Variants in ELK3 observed in about 807,000 individuals in gnomAD.
ELK3 encodes ETS transcription factor ELK3.
In ELK3, 10 loss-of-function variants were observed where a neutral mutation model predicts 28.9. That is an observed-to-expected ratio of 0.35 (90% CI 0.21 to 0.59). ELK3 has a LOEUF of 0.59. Among genes scored for constraint, ELK3 ranks in the 20% least tolerant of loss-of-function variants. The pLI, the probability that ELK3 is intolerant of heterozygous loss-of-function variation, is 0.82. For synonymous variants in ELK3, 272 were observed against 243.5 expected (o/e 1.12, Z -1.09); for missense variants, 463 against 517.3 (o/e 0.90, Z 1.02).
At chr12:96,226,548 C>T (rs1047937586) in intron 2 of ELK3, among the ~76,000 whole-genome samples, 1 of 145,888 alleles carries the variant, frequency 6.9e-6, no homozygotes. Context: ...ACACAGATGT[C>T]CACATGTGCA....
intron 2 of ELK3, among the ~76,000 whole-genome samples, chr12:96,225,870 C>T (rs1041911185): frequency 7.2e-5 from 11 of 152,206 alleles, no homozygotes; most frequent in Non-Finnish European, 1.5e-4. Flanking sequence ...CATAGTGCCT[C>T]ACACCTAATC....
At position 96,268,101 on chromosome 12, in the gene ELK3, G is replaced by A. The variant is rs571068458; in HGVS notation, c.*921G>A. On this transcript the variant is annotated 3_prime_UTR_variant, in exon 5 of 5. Transcript: ENST00000228741. ...ACTGTGTCAGTATAAGTAAGTTGGGGTTCCCCTGGAACTATAATTAACATT... is the reference window on the plus strand; with the variant it reads ...ACTGTGTCAGTATAAGTAAGTTGGGATTCCCCTGGAACTATAATTAACATT... 6.6e-6 allele frequency: 1 copy of A among 152,216 alleles called. No individual in the cohort carries two copies. The allele number at this position is 152,216 out of a possible 1,614,324, so 9.4% of individuals were successfully genotyped here.
intron 3 of ELK3, among the ~76,000 whole-genome samples, chr12:96,259,033 C>A (rs904049935): frequency 6.6e-6 from 1 of 152,186 alleles, no homozygotes; most frequent in African/African-American, 2.4e-5. Context: ...TAGATGTCCA[C>A]TGTAGAAACA....
rs1215476059 is a variant in ELK3 at position 96,231,857 on chromosome 12, C to T, written c.207+8084C>T. ...TCACCTCTGCCTTTTCCTCAGCCAT[C>T]CAGCCATCCCTTTGGAAACATACCT... On this transcript the variant is annotated intron_variant, in intron 2 of 4. Transcript: ENST00000228741. 2.0e-5 allele frequency among the ~76,000 whole-genome samples: 3 copies of T among 152,286 alleles called. No individual in the cohort carries two copies. In the South Asian group the frequency reaches 6.2e-4, roughly 32 times the overall value.
intron 1 of ELK3, among the ~76,000 whole-genome samples, chr12:96,213,522 T>G (rs2137007140): frequency 6.6e-6 from 1 of 152,202 alleles, no homozygotes; most frequent in East Asian, 1.9e-4. Flanking sequence ...CGAATGGTTG[T>G]AAGACATTTT....
chr12:96,210,561 G>GCA (rs368183390), intron 1 of ELK3, among the ~76,000 whole-genome samples: 41,109 of 144,546 alleles, frequency 0.28, 6,114 homozygotes, highest in South Asian at 0.37. Context: ...GCGCGCGGGC[G>GCA]CACGCACACA....
intron 4 of ELK3, among the ~76,000 whole-genome samples, chr12:96,265,975 C>T (rs1346378978): frequency 6.6e-6 from 1 of 152,168 alleles, no homozygotes; most frequent in Non-Finnish European, 1.5e-5. Flanking sequence ...AATGTTGGTA[C>T]AGAAAGATTT....
chr12:96,237,769 G>A (rs1951795037), intron 2 of ELK3, among the ~76,000 whole-genome samples: 1 of 152,242 alleles, frequency 6.6e-6, no homozygotes, highest in Non-Finnish European at 1.5e-5. Context: ...TCCAGCCTGG[G>A]CAATGCCAGC....
At chr12:96,207,769 A>G (rs1375563394) in intron 1 of ELK3, among the ~76,000 whole-genome samples, 2 of 152,366 alleles carry the variant, frequency 1.3e-5, no homozygotes, top group South Asian at 2.1e-4. Context: ...GTATTATCCA[A>G]CTAAACCTTG....
At chr12:96,242,747 T>C (rs1246783157) in intron 2 of ELK3, among the ~76,000 whole-genome samples, 1 of 152,190 alleles carries the variant, frequency 6.6e-6, no homozygotes, top group African/African-American at 2.4e-5. Context: ...GCTGCACTGC[T>C]CTGACCCACT....
intron 2 of ELK3, among the ~76,000 whole-genome samples, chr12:96,224,451 C>T (rs139170204): frequency 1.8e-3 from 270 of 152,246 alleles, no homozygotes; most frequent in African/African-American, 6.1e-3. Flanking sequence ...CCGACCGAGC[C>T]ATTACATATA....
chr12:96,245,934 G>A (rs1015295676), intron 2 of ELK3, among the ~76,000 whole-genome samples: 3 of 152,144 alleles, frequency 2.0e-5, no homozygotes, highest in South Asian at 4.1e-4. Flanking sequence ...AGAAGTAGAC[G>A]CTAGCAACTA....
chr12:96,246,819 G>C, intron 2 of ELK3, 121 bp from the exon 3 acceptor site: 4 of 1,031,886 alleles, frequency 3.9e-6, no homozygotes, highest in Non-Finnish European at 5.5e-6. Flanking sequence ...CTTTTCCTTA[G>C]CCAAGAATGT....
At chr12:96,229,558 G>C (rs1344232042) in intron 2 of ELK3, among the ~76,000 whole-genome samples, 5 of 119,616 alleles carry the variant, frequency 4.2e-5, no homozygotes, top group African/African-American at 1.7e-4. Context: ...TTGAGACAGA[G>C]TCTTGCTCTG....
At chr12:96,251,083 G>A (rs780955745) in intron 3 of ELK3, among the ~76,000 whole-genome samples, 3 of 152,188 alleles carry the variant, frequency 2.0e-5, no homozygotes, top group African/African-American at 7.2e-5. Flanking sequence ...TCTTGTCAGC[G>A]CCAGTCTGTT....
rs762198895 is a variant in ELK3 at position 96,247,851 on chromosome 12, G to A, written c.1002+117G>A. On this transcript the variant is annotated intron_variant, in intron 3 of 4. Transcript: ENST00000228741. This position sits in a 1 kb window ranked among gnomAD's most constrained non-coding sequence, Gnocchi z 5.5. The stretch of plus-strand genomic sequence containing the variant: ...AAAACGTTGTCCTATGACTCGTACC[G>A]AGGTCACTGTGTAAATGTGAAGGGA... The A allele has an allele frequency of 2.7e-5, 34 of 1,252,240 alleles. No homozygotes were observed. The highest frequency in any genetic ancestry group is 3.3e-5 in the Non-Finnish European group (31 of 934,560). The allele number at this position is 1,252,240 out of a possible 1,614,324, so 77.6% of individuals were successfully genotyped here. A position where few individuals can be genotyped will look rare whatever the true frequency, so the allele number is the denominator to read the frequency against.
Position 96,247,457 on chromosome 12 carries a change from G to A in ELK3, c.725G>A (p.Arg242Gln), listed in dbSNP as rs1183513560. ...TCATCCGCCTCACCCTTCTCATCTC[G>A]GTCCCCGTCCCTGTCCCCCAACTCA... The part of the protein sequence containing the change: ...SISSASPFSS[R>Q]SPSLSPNSPL... The change falls in exon 3 of 5, where the codon CGG becomes CAG. Residue 242 changes from arginine to glutamine, a missense_variant. This residue lies in a region of ELK3 where 408 missense variants were observed against 414.8 expected (regional missense o/e 0.98). Coordinates refer to ENST00000228741, the MANE Select transcript of ELK3 (RefSeq NM_005230.4). This position sits in a 1 kb window ranked among gnomAD's most constrained non-coding sequence, Gnocchi z 5.5. The A allele has an allele frequency of 1.2e-6, 2 of 1,613,874 alleles. No individual in the cohort carries two copies. The highest frequency in any genetic ancestry group is 1.1e-5 in the South Asian group (1 of 91,060).
Position 96,247,070 on chromosome 12 carries a change from A to G in ELK3, c.338A>G (p.Lys113Arg). 1 of 1,614,006 alleles carries G rather than the reference A, an allele frequency of 6.2e-7. No individual in the cohort carries two copies. The highest frequency in any genetic ancestry group is 8.5e-7 in the Non-Finnish European group (1 of 1,180,004). Residue 113 changes from lysine to arginine, a missense_variant, in exon 3 of 5, where the codon AAG (lysine) becomes AGG (arginine). By Grantham distance (26) the Lys-to-Arg change is conservative. This residue lies in a region of ELK3 where 408 missense variants were observed against 414.8 expected (regional missense o/e 0.98). Coordinates refer to ENST00000228741, the MANE Select transcript of ELK3 (RefSeq NM_005230.4). The surrounding 1 kb of genome is among the most constrained non-coding windows in gnomAD (Gnocchi z 5.5). ...CTTCTGCTGCAGGACAGCGACTGCA[A>G]GGCGTCTCCGGAGGGCCGCGAGGCC... ...ESLLLQDSDC[K>R]ASPEGREAHK...
chr12:96,226,780 A>G (rs903930477), intron 2 of ELK3, among the ~76,000 whole-genome samples: 3 of 152,106 alleles, frequency 2.0e-5, no homozygotes, highest in South Asian at 2.1e-4. Flanking sequence ...GGAAAGTTAG[A>G]CTCTTAATAC....
Sources: gnomAD v4.1 joint callset for allele counts (sites outside exome capture counted in the v4.1 genomes callset) on GRCh38, gnomAD v4.1.1 for gene constraint, gnomAD v4.1.1 regional missense constraint, Gnocchi (gnomAD v3.1) non-coding constraint, MANE v1.5 for transcripts, NCBI Gene and HGNC (gene_info 2026-07-23, HGNC 2026-07-21) for gene names.